Variants in PDE1A observed in about 807,000 individuals in gnomAD.
PDE1A encodes the protein phosphodiesterase 1A, also known as dual specificity calcium/calmodulin-dependent 3',5'-cyclic nucleotide phosphodiesterase 1A.
In PDE1A, 35 loss-of-function variants were observed where a neutral mutation model predicts 61.7. The ratio of observed to expected loss-of-function variants is 0.57; its 90% confidence interval spans 0.43 to 0.75. The LOEUF (loss-of-function observed/expected upper bound fraction) is 0.75, where lower values mean the gene tolerates loss of function less well. Among genes scored for constraint, PDE1A ranks in the 30% least tolerant of loss-of-function variants. The probability of loss-of-function intolerance (pLI) is 0.00; values close to 1 mark genes in which losing one functional copy is unlikely to be tolerated. For synonymous variants in PDE1A, 232 were observed against 213.2 expected, an observed-to-expected ratio of 1.09 and a Z score of -0.77; for missense variants, 597 against 630.6, an observed-to-expected ratio of 0.95 and a Z score of 0.57.
Position 182,353,465 on chromosome 2 carries a change from G to A in PDE1A, c.53+73113C>T, listed in dbSNP as rs1163946256. Reference sequence around the variant, plus strand: ...CTTGCTAGGAATTTTTCTTTGCTTGGTATTTCACAGATTTTGATGTTTTGT... The same window carrying A: ...CTTGCTAGGAATTTTTCTTTGCTTGATATTTCACAGATTTTGATGTTTTGT... On this transcript the variant is annotated intron_variant, in intron 1 of 13. Transcript: ENST00000351439. 5.9e-5 allele frequency among the ~76,000 whole-genome samples: 9 copies of A among 152,152 alleles called. No homozygotes were observed. In the East Asian group the frequency reaches 1.7e-3, roughly 29 times the overall value.
chr2:182,308,121 T>C (rs1358928370), intron 1 of PDE1A, among the ~76,000 whole-genome samples: 1 of 152,162 alleles, frequency 6.6e-6, no homozygotes, highest in Non-Finnish European at 1.5e-5. Context: ...GCAGGCCTTG[T>C]TGACAACATT....
chr2:182,623,286 G>A, the PDE1A span, among the ~76,000 whole-genome samples: 18 of 152,302 alleles, frequency 1.2e-4, no homozygotes, highest in African/African-American at 3.8e-4. Context: ...TATAGACATT[G>A]CATGTAGAGA....
intron 1 of PDE1A, among the ~76,000 whole-genome samples, chr2:182,265,295 C>T (rs1021798151): frequency 6.6e-6 from 1 of 151,858 alleles, no homozygotes; most frequent in African/African-American, 2.4e-5. Flanking sequence ...TAAAAGAAGA[C>T]TTCATAAAAT....
downstream of PDE1A, chr2:182,147,008 A>C (rs1559114134): frequency 5.1e-6 from 5 of 971,954 alleles, no homozygotes; most frequent in Non-Finnish European, 7.9e-6. Flanking sequence ...TTTAGAAGTT[A>C]AGTTTCTGGT....
chr2:182,481,176 G>GT (rs1163727531), intron 2 of PDE1A, among the ~76,000 whole-genome samples: 2 of 151,898 alleles, frequency 1.3e-5, no homozygotes, highest in Non-Finnish European at 2.9e-5. Flanking sequence ...AACAAGACTG[G>GT]TTTTTTTAAA....
the PDE1A span, among the ~76,000 whole-genome samples, chr2:182,549,691 C>T: frequency 5.3e-5 from 8 of 152,024 alleles, no homozygotes; most frequent in African/African-American, 7.2e-5. Context: ...ACAGAAGCAA[C>T]GTTATTATTC....
upstream of PDE1A, among the ~76,000 whole-genome samples, chr2:182,430,792 T>A: frequency 7.6e-6 from 1 of 132,326 alleles, no homozygotes; most frequent in Non-Finnish European, 1.7e-5. Flanking sequence ...AAATGATGAG[T>A]TCATGTCCTT....
intron 1 of PDE1A, among the ~76,000 whole-genome samples, chr2:182,331,475 G>A (rs1259018904): frequency 1.3e-5 from 2 of 152,206 alleles, no homozygotes; most frequent in Non-Finnish European, 2.9e-5. Context: ...TGTTTTTGCA[G>A]TGGCTGGTAC....
At chr2:182,558,481 T>G in the PDE1A span, among the ~76,000 whole-genome samples, 1 of 152,198 alleles carries the variant, frequency 6.6e-6, no homozygotes, top group African/African-American at 2.4e-5. Flanking sequence ...ACAATCATTA[T>G]TTTACTTCTA....
At chr2:182,155,782 T>G (rs1469091501) in intron 13 of PDE1A, among the ~76,000 whole-genome samples, 4 of 152,128 alleles carry the variant, frequency 2.6e-5, no homozygotes, top group Admixed American at 6.6e-5. Context: ...TCCCAGCTAC[T>G]GGGGAGGCTG....
chr2:182,511,513 A>C (rs149106235), intron 2 of PDE1A, among the ~76,000 whole-genome samples: 1,649 of 152,176 alleles, frequency 0.011, 21 homozygotes, highest in Middle Eastern at 0.034. Flanking sequence ...GCTGGCAGGG[A>C]GAGCTTCTTA....
chr2:182,264,047 A>AT (rs1026760503), intron 2 of PDE1A, among the ~76,000 whole-genome samples: 7 of 151,618 alleles, frequency 4.6e-5, no homozygotes, highest in Non-Finnish European at 1.0e-4. Flanking sequence ...GGAAGAGGAG[A>AT]TTTTTTTTTC....
chr2:182,602,025 TC>T, the PDE1A span, among the ~76,000 whole-genome samples: 1 of 152,144 alleles, frequency 6.6e-6, no homozygotes, highest in African/African-American at 2.4e-5. Context: ...CTGGGGACCT[TC>T]CCCCTTCCAC....
intron 2 of PDE1A, among the ~76,000 whole-genome samples, chr2:182,473,952 T>A (rs760605053): frequency 3.3e-5 from 5 of 151,924 alleles, no homozygotes; most frequent in Admixed American, 3.3e-4. Context: ...TGAACATACA[T>A]GTGCATGTAT....
chr2:182,652,384 C>T, the PDE1A span, among the ~76,000 whole-genome samples: 1 of 152,116 alleles, frequency 6.6e-6, no homozygotes. Flanking sequence ...CTCTCTAGAT[C>T]GACCTCCTAC....
intron 2 of PDE1A, among the ~76,000 whole-genome samples, chr2:182,251,303 A>C (rs1403775554): frequency 1.3e-5 from 2 of 152,180 alleles, no homozygotes; most frequent in Non-Finnish European, 2.9e-5. Flanking sequence ...GCATTTTAGC[A>C]CAAAGTTATC....
the PDE1A span, among the ~76,000 whole-genome samples, chr2:182,650,331 A>T: frequency 6.6e-6 from 1 of 152,252 alleles, no homozygotes; most frequent in Non-Finnish European, 1.5e-5. Context: ...ATAAAATCCC[A>T]GGAGACCAGG....
At chr2:182,213,076 G>A (rs6729405) in intron 7 of PDE1A, among the ~76,000 whole-genome samples, 5,918 of 146,902 alleles carry the variant, frequency 0.04, 359 homozygotes, top group African/African-American at 0.14. Context: ...ATCTGAGAAC[G>A]GGCAGACTGC....
chr2:182,303,445 A>G (rs980908736), intron 1 of PDE1A, among the ~76,000 whole-genome samples: 2 of 152,236 alleles, frequency 1.3e-5, no homozygotes, highest in African/African-American at 4.8e-5. Context: ...GGGTCTCAAC[A>G]GTGTGCTTAC....
Sources: allele counts gnomAD v4.1 joint callset (sites outside exome capture counted in the v4.1 genomes callset), GRCh38; gene constraint gnomAD v4.1.1; transcripts MANE v1.5; gene names NCBI Gene and HGNC (gene_info 2026-07-23, HGNC 2026-07-21).